The following RGS7 variants were observed in gnomAD, a reference collection of about 807,000 sequenced individuals.
The protein encoded by RGS7 is regulator of G-protein signaling 7.
A neutral mutation model predicts 81.1 loss-of-function variants in RGS7; 27 were observed. The observed-to-expected ratio is 0.33, with a 90% CI of 0.25 to 0.46. The LOEUF is 0.46. Among genes scored for constraint, RGS7 ranks in the 20% least tolerant of loss-of-function variants. The pLI, the probability that RGS7 is intolerant of heterozygous loss-of-function variation, is 1.00. For missense variants in RGS7, 396 were observed against 607.4 expected (o/e 0.65, Z 3.66); for synonymous variants, 208 against 207.7 (o/e 1.00, Z -0.01).
At chr1:240,944,285 T>C (rs1361442501) in intron 4 of RGS7, among the ~76,000 whole-genome samples, 17 of 8,146 alleles carry the variant, frequency 2.1e-3, no homozygotes, top group South Asian at 0.01. Flanking sequence ...TGTGTGTGTA[T>C]ATATATATAT....
chr1:240,979,731 C>T (rs1684654053), intron 4 of RGS7, among the ~76,000 whole-genome samples: 1 of 152,284 alleles, frequency 6.6e-6, no homozygotes, highest in East Asian at 1.9e-4. Context: ...AAACCTGAAC[C>T]TTCCAACATT....
intron 6 of RGS7, among the ~76,000 whole-genome samples, chr1:240,874,091 A>C (rs544968273): frequency 6.6e-6 from 1 of 152,286 alleles, no homozygotes; most frequent in African/African-American, 2.4e-5. Flanking sequence ...CCCTTCTACC[A>C]TGTGGGGACA....
At chr1:241,319,671 T>C (rs2081097497) in intron 2 of RGS7, among the ~76,000 whole-genome samples, 1 of 152,146 alleles carries the variant, frequency 6.6e-6, no homozygotes, top group African/African-American at 2.4e-5. Flanking sequence ...ATTACAGGCA[T>C]GAACCACCAT....
intron 15 of RGS7, among the ~76,000 whole-genome samples, chr1:240,804,732 G>A (rs753926895): frequency 4.1e-4 from 62 of 152,222 alleles, no homozygotes; most frequent in Non-Finnish European, 7.1e-4. Flanking sequence ...TGAGCAGCAG[G>A]GCCAGAGTTT....
rs374506551 is a variant in RGS7 at position 241,220,445 on chromosome 1, T to C, written c.79-121683A>G. ...CTTAAAGCTCCCCAGATAATTCTAATGTAGAGCCAGCGTTAAGAACTTTTG... is the reference window on the plus strand; with the variant it reads ...CTTAAAGCTCCCCAGATAATTCTAACGTAGAGCCAGCGTTAAGAACTTTTG... On this transcript the variant is annotated intron_variant, in intron 2 of 18. Coordinates refer to ENST00000440928, the MANE Select transcript of RGS7 (RefSeq NM_001364886.1). Among the ~76,000 whole-genome samples, 22 of 152,294 alleles carry C rather than the reference T, an allele frequency of 1.4e-4. 1 individual carries two copies. Among genetic ancestry groups the C allele is most frequent in the African/African-American group, 5.3e-4 (22 of 41,560 alleles).
intron 2 of RGS7, among the ~76,000 whole-genome samples, chr1:241,232,565 T>C (rs2075725833): frequency 6.6e-6 from 1 of 152,076 alleles, no homozygotes; most frequent in African/African-American, 2.4e-5. Context: ...TCATAAATTT[T>C]GAAATGAGTG....
chr1:241,309,593 G>A (rs2080386424), intron 2 of RGS7, among the ~76,000 whole-genome samples: 1 of 152,114 alleles, frequency 6.6e-6, no homozygotes, highest in Non-Finnish European at 1.5e-5. Context: ...CGACAGGAAA[G>A]ATATAGACAA....
intron 2 of RGS7, among the ~76,000 whole-genome samples, chr1:241,158,009 A>T (rs555536531): frequency 6.6e-6 from 1 of 151,114 alleles, no homozygotes; most frequent in Non-Finnish European, 1.5e-5. Flanking sequence ...TTTAGTAGAG[A>T]CAGGGTTTCA....
chr1:240,949,847 C>CAAAAAAAAAAAA lies in RGS7; in HGVS notation c.227-13153_227-13142dup, dbSNP rs57421740. 2.2e-5 allele frequency among the ~76,000 whole-genome samples: 2 copies of CAAAAAAAAAAAA among 91,962 alleles called. 1 individual carries two copies. 60.3% of individuals were successfully genotyped at this position (91,962 alleles called of 152,430 possible). ...TGGGTGACAGAACAAGACTCTGACT[C>CAAAAAAAAAAAA]AAAAAAAAAAAAAAAAAAAAGCCAA... On this transcript the variant is annotated intron_variant, in intron 4 of 18. Transcript: ENST00000440928.
chr1:241,129,381 G>A (rs1273610626), intron 2 of RGS7, among the ~76,000 whole-genome samples: 1 of 152,096 alleles, frequency 6.6e-6, no homozygotes, highest in Non-Finnish European at 1.5e-5. Flanking sequence ...ATTTGGTTAA[G>A]TCAGATTCTT....
chr1:241,213,045 C>G lies in RGS7; in HGVS notation c.79-114283G>C, dbSNP rs576288646. Among the ~76,000 whole-genome samples the G allele has an allele frequency of 2.6e-5, 4 of 152,284 alleles. No individual in the cohort carries two copies. The South Asian group carries it at 8.3e-4, about 32-fold the overall frequency. ...ATTGCCAACCTGCTTGTGAGATGTACCTGAGAATAACCTTCAGACAAACGC... is the reference window on the plus strand; with the variant it reads ...ATTGCCAACCTGCTTGTGAGATGTAGCTGAGAATAACCTTCAGACAAACGC... On this transcript the variant is annotated intron_variant, in intron 2 of 18. Transcript: ENST00000440928.
At chr1:240,899,009 A>C (rs12748308) in intron 6 of RGS7, among the ~76,000 whole-genome samples, 1 of 152,072 alleles carries the variant, frequency 6.6e-6, no homozygotes, top group African/African-American at 2.4e-5. Context: ...AGCTCTTCTT[A>C]TTGAATTGAT....
chr1:241,331,957 T>C (rs2082001185), intron 2 of RGS7, among the ~76,000 whole-genome samples: 1 of 152,226 alleles, frequency 6.6e-6, no homozygotes, highest in Admixed American at 6.5e-5. Flanking sequence ...GTTTAATTTG[T>C]AATGGACTAA....
At chr1:240,881,857 A>G (rs1159766147) in intron 6 of RGS7, among the ~76,000 whole-genome samples, 1 of 152,182 alleles carries the variant, frequency 6.6e-6, no homozygotes, top group Non-Finnish European at 1.5e-5. Context: ...TACCTTGATA[A>G]AAGAAGATTT....
intron 3 of RGS7, among the ~76,000 whole-genome samples, chr1:240,999,214 G>A (rs183081894): frequency 6.6e-6 from 1 of 151,470 alleles, no homozygotes; most frequent in Non-Finnish European, 1.5e-5. Flanking sequence ...AGGCCTTCTA[G>A]TTTGTAATAT....
intron 18 of RGS7, among the ~76,000 whole-genome samples, chr1:240,784,925 A>G (rs955763011): frequency 5.9e-5 from 9 of 152,114 alleles, no homozygotes; most frequent in African/African-American, 1.9e-4. Context: ...TAATAAAAAG[A>G]ACTGACCATA....
intron 4 of RGS7, among the ~76,000 whole-genome samples, chr1:240,944,931 T>A (rs950504893): frequency 2.6e-5 from 4 of 152,264 alleles, no homozygotes; most frequent in Non-Finnish European, 5.9e-5. Flanking sequence ...CAGGATGGTC[T>A]CTATCTCTTG....
At chr1:240,946,151 GAGGC>G (rs1678570670) in intron 4 of RGS7, among the ~76,000 whole-genome samples, 1 of 152,094 alleles carries the variant, frequency 6.6e-6, no homozygotes, top group Non-Finnish European at 1.5e-5. Context: ...CAATAACAAT[GAGGC>G]AGGTTCAGAA....
chr1:240,894,203 C>T (rs540117687), intron 6 of RGS7, among the ~76,000 whole-genome samples: 1 of 152,172 alleles, frequency 6.6e-6, no homozygotes, highest in Admixed American at 6.5e-5. Flanking sequence ...CTTTAAAATC[C>T]TCCTTTATAA....
Sources: gnomAD v4.1 joint callset for allele counts (sites outside exome capture counted in the v4.1 genomes callset) on GRCh38, gnomAD v4.1.1 for gene constraint, MANE v1.5 for transcripts, NCBI Gene and HGNC (gene_info 2026-07-23, HGNC 2026-07-21) for gene names.